Variants in GGT7 observed in about 807,000 individuals in gnomAD.
GGT7 encodes the protein glutathione hydrolase 7.
A neutral mutation model predicts 69.2 loss-of-function variants in GGT7; 30 were observed. That is an observed-to-expected ratio of 0.43 (90% CI 0.32 to 0.59). The LOEUF (loss-of-function observed/expected upper bound fraction) is 0.59. Ranked by LOEUF, GGT7 falls within the 20% of genes least tolerant of loss-of-function variation. The pLI, the probability that GGT7 is intolerant of heterozygous loss-of-function variation, is 0.05. For synonymous variants in GGT7, 388 were observed against 391.8 expected, an observed-to-expected ratio of 0.99 and a Z score of 0.12; for missense variants, 733 against 901.1, an observed-to-expected ratio of 0.81 and a Z score of 2.39.
In GGT7 at chr20:34,863,181, A is replaced by T. The variant is rs1555875807; in HGVS notation, c.405+132T>A. The T allele has an allele frequency of 1.2e-6, 1 of 807,082 alleles. No homozygotes were observed. The highest frequency in any genetic ancestry group is 2.0e-6 in the Non-Finnish European group (1 of 499,208). The allele number at this position is 807,082 out of a possible 1,614,324, so 50.0% of individuals were successfully genotyped here. A position where few individuals can be genotyped will look rare whatever the true frequency, so the allele number is the denominator to read the frequency against. On this transcript the variant is annotated intron_variant, in intron 2 of 14. Coordinates refer to ENST00000336431, the MANE Select transcript of GGT7 (RefSeq NM_178026.3). This position sits in a 1 kb window ranked among gnomAD's most constrained non-coding sequence, Gnocchi z 4.4. ...ATGCCCTGGAGCTCCTCTCTTTGGG[A>T]CCTTCCTCTCCCAAGTCACCACCCT... is the stretch of plus-strand genomic sequence containing the variant.
chr20:34,844,951 G>C lies in GGT7; in HGVS notation c.*377C>G. ...AACTGGAAGACAAGGCCCAGGTCAG[G>C]CCAGTCTGAAGATGTTGGGGTTGTG... On this transcript the variant is annotated 3_prime_UTR_variant, in exon 15 of 15. Transcript: ENST00000336431. 1 of 212,686 alleles carries C rather than the reference G, an allele frequency of 4.7e-6. No homozygotes were observed. Among genetic ancestry groups the C allele is most frequent in the South Asian group, 1.0e-4 (1 of 10,038 alleles). 13.2% of individuals were successfully genotyped at this position (212,686 alleles called of 1,614,324 possible).
At chr20:34,855,814 T>TGGGTGTGTGTGTGA (rs56219337) in intron 8 of GGT7, among the ~76,000 whole-genome samples, 1 of 144,518 alleles carries the variant, frequency 6.9e-6, no homozygotes. Flanking sequence ...TGTGTGTGTG[T>TGGGTGTGTGTGTGA]GATAATGGTC....
chr20:34,845,782 G>A (rs745982045), intron 14 of GGT7, among the ~76,000 whole-genome samples: 9 of 152,090 alleles, frequency 5.9e-5, no homozygotes, highest in East Asian at 1.9e-4. Context: ...AGGACAGGCC[G>A]GGTGCAGTGG....
chr20:34,845,045 G>T lies in GGT7; in HGVS notation c.*283C>A. 1 of 443,730 alleles carries T rather than the reference G, an allele frequency of 2.3e-6. No homozygotes were observed. The highest frequency in any genetic ancestry group is 4.1e-6 in the Non-Finnish European group (1 of 246,680). 27.5% of individuals were successfully genotyped at this position (443,730 alleles called of 1,614,324 possible). ...CCAGCATGGCTGAAGGAGGAGAGGT[G>T]ACACACAGACAGATAGTCTGATTCC... is the stretch of plus-strand genomic sequence containing the variant. On this transcript the variant is annotated 3_prime_UTR_variant, in exon 15 of 15. Transcript: ENST00000336431.
Position 34,848,757 on chromosome 20 carries a change from T to C in GGT7, c.1825+1204A>G, listed in dbSNP as rs1416187492. Among the ~76,000 whole-genome samples, 13 of 152,348 alleles carry C rather than the reference T, an allele frequency of 8.5e-5. 1 individual carries two copies. In the South Asian group the frequency reaches 2.7e-3, roughly 32 times the overall value. On this transcript the variant is annotated intron_variant, in intron 14 of 14. Coordinates refer to ENST00000336431, the MANE Select transcript of GGT7 (RefSeq NM_178026.3). ...CTTAGTGGTTGATCTTTGACTAGTT[T>C]ATAACTTCTGTGAGCCTCAGTTTCT...
intron 12 of GGT7, 64 bp downstream of exon 12, chr20:34,852,091 A>C: frequency 1.1e-6 from 1 of 950,038 alleles, no homozygotes; most frequent in Non-Finnish European, 1.7e-6. Context: ...AGGGGCAGCC[A>C]TGCCATTGCA....
intron 11 of GGT7, 50 bp from the exon 12 acceptor site, chr20:34,852,322 C>A: frequency 1.9e-6 from 3 of 1,600,544 alleles, no homozygotes; most frequent in Non-Finnish European, 1.7e-6. Flanking sequence ...CTCACCTCTA[C>A]CCAGCCCCCA....
intron 10 of GGT7, among the ~76,000 whole-genome samples, chr20:34,852,750 T>C (rs1249848056): frequency 6.6e-6 from 1 of 152,234 alleles, no homozygotes; most frequent in Non-Finnish European, 1.5e-5. Flanking sequence ...GATTCTTTTC[T>C]GGAACCAACT....
At chr20:34,851,431 C>CAA in intron 12 of GGT7, 63 bp from the exon 13 acceptor site, 1 of 1,484,968 alleles carries the variant, frequency 6.7e-7, no homozygotes. Flanking sequence ...GGAAAGGGCC[C>CAA]CTCCACAACC....
intron 6 of GGT7, 47 bp downstream of exon 6, chr20:34,859,922 T>C: frequency 1.6e-6 from 2 of 1,290,244 alleles, no homozygotes; most frequent in South Asian, 2.5e-5. Flanking sequence ...GATTCTACCC[T>C]TCTCCATCAA....
rs3138662 is a variant in GGT7, at chr20:34,855,789, C to CTGTGTGTGTGTG, written c.1103-878_1103-867dup. Among the ~76,000 whole-genome samples the CTGTGTGTGTGTG allele has an allele frequency of 5.6e-4, 80 of 144,142 alleles. 1 individual carries two copies. Among genetic ancestry groups the CTGTGTGTGTGTG allele is most frequent in the African/African-American group, 1.2e-3 (47 of 38,212 alleles). The allele number at this position is 144,142 out of a possible 152,430, so 94.6% of individuals were successfully genotyped here. A position where few individuals can be genotyped will look rare whatever the true frequency, so the allele number is the denominator to read the frequency against. ...CGCTACGCTTGTTCTTTTTTCTTTT[C>CTGTGTGTGTGTG]TGTGTGTGTGTGTGTGTGTGTGTGT... On this transcript the variant is annotated intron_variant, in intron 8 of 14. Coordinates refer to ENST00000336431, the MANE Select transcript of GGT7 (RefSeq NM_178026.3).
chr20:34,861,671 A>T lies in GGT7; in HGVS notation c.558-109T>A, dbSNP rs555942802. The T allele has an allele frequency of 4.2e-4, 267 of 633,266 alleles. 2 individuals carry two copies. The African/African-American group carries it at 4.5e-3, about 11-fold the overall frequency. 39.2% of individuals were successfully genotyped at this position (633,266 alleles called of 1,614,324 possible). On this transcript the variant is annotated intron_variant, in intron 3 of 14. Transcript: ENST00000336431. ...GTGAGAGCTGTAGGCTCAGTTTTTC[A>T]TTTGGGGTCAGGTGTCTGAGCTCCC...
intron 3 of GGT7, 98 bp from the exon 4 acceptor site, chr20:34,861,660 C>T: frequency 1.4e-6 from 1 of 702,322 alleles, no homozygotes; most frequent in African/African-American, 1.8e-5. Flanking sequence ...GAGCTGTAGG[C>T]TCAGTTTTTC....
chr20:34,861,700 C>A, intron 3 of GGT7, 138 bp from the exon 4 acceptor site: 1 of 480,184 alleles, frequency 2.1e-6, no homozygotes, highest in Non-Finnish European at 3.5e-6. Context: ...AGCTCCCTCC[C>A]CAGCATGGAT....
At chr20:34,854,700 A>T (rs1444841775) in intron 9 of GGT7, 81 bp from the exon 10 acceptor site, 6 of 1,589,232 alleles carry the variant, frequency 3.8e-6, no homozygotes, top group Non-Finnish European at 5.2e-6. Flanking sequence ...TGTGTGAGAA[A>T]ACTTGGAGGG....
chr20:34,871,957 G>A (rs1213243293), intron 1 of GGT7, among the ~76,000 whole-genome samples: 1 of 152,138 alleles, frequency 6.6e-6, no homozygotes, highest in African/African-American at 2.4e-5. Context: ...TTCCAGCAGA[G>A]GGCTGAGGGG....
At position 34,863,778 on chromosome 20, in the gene GGT7, T is replaced by G; in HGVS notation, c.170-230A>C. On this transcript the variant is annotated intron_variant, in intron 1 of 14. Coordinates refer to ENST00000336431, the MANE Select transcript of GGT7 (RefSeq NM_178026.3). This position sits in a 1 kb window ranked among gnomAD's most constrained non-coding sequence, Gnocchi z 4.4. Reference sequence around the variant, plus strand: ...CCAGCTGGGCAGCAGGGAGGCTGGATTCCCGCCCCTCCCTGATACCTAGGC... The same window carrying G: ...CCAGCTGGGCAGCAGGGAGGCTGGAGTCCCGCCCCTCCCTGATACCTAGGC... 1 of 700,798 alleles carries G rather than the reference T, an allele frequency of 1.4e-6. No individual in the cohort carries two copies. The allele number at this position is 700,798 out of a possible 1,614,324, so 43.4% of individuals were successfully genotyped here.
At chr20:34,853,920 T>C (rs2079442156) in intron 10 of GGT7, among the ~76,000 whole-genome samples, 1 of 152,160 alleles carries the variant, frequency 6.6e-6, no homozygotes, top group Non-Finnish European at 1.5e-5. Context: ...CCACCTTCAG[T>C]ATTTGCTTGG....
intron 10 of GGT7, among the ~76,000 whole-genome samples, chr20:34,853,159 G>C (rs1378588880): frequency 3.9e-5 from 6 of 151,988 alleles, no homozygotes. Flanking sequence ...TGGCCAGGCC[G>C]GTCTTGAACT....
Sources: allele counts gnomAD v4.1 joint callset (sites outside exome capture counted in the v4.1 genomes callset), GRCh38; gene constraint gnomAD v4.1.1; non-coding constraint Gnocchi (gnomAD v3.1); transcripts MANE v1.5; gene names NCBI Gene and HGNC (gene_info 2026-07-23, HGNC 2026-07-21).